Variants in ZDHHC21 observed in about 807,000 individuals in gnomAD.
ZDHHC21 encodes the protein palmitoyltransferase ZDHHC21.
ZDHHC21 carries 15 observed loss-of-function variants against 34.6 expected under a neutral mutation model. The ratio of observed to expected loss-of-function variants is 0.43; its 90% confidence interval spans 0.29 to 0.67. The LOEUF (loss-of-function observed/expected upper bound fraction) is 0.67. Ranked by LOEUF, ZDHHC21 falls within the 30% of genes least tolerant of loss-of-function variation. ZDHHC21 has a pLI of 0.14. For synonymous variants in ZDHHC21, 142 were observed against 101.8 expected (o/e 1.40, Z -2.38); for missense variants, 344 against 327.7 (o/e 1.05, Z -0.38).
intron 1 of ZDHHC21, among the ~76,000 whole-genome samples, chr9:14,692,928 C>A (rs986654828): frequency 6.6e-6 from 1 of 152,004 alleles, no homozygotes. Context: ...TAGCCAACAT[C>A]GTCTCGACTA....
intron 7 of ZDHHC21, among the ~76,000 whole-genome samples, chr9:14,653,449 A>G (rs1831615383): frequency 6.6e-6 from 1 of 152,060 alleles, no homozygotes; most frequent in Non-Finnish European, 1.5e-5. Context: ...TGCTGAAGTA[A>G]GAACATTATT....
chr9:14,600,842 C>T, the ZDHHC21 span, among the ~76,000 whole-genome samples: 114 of 152,174 alleles, frequency 7.5e-4, no homozygotes, highest in Middle Eastern at 6.8e-3. Context: ...TCAGAAACAA[C>T]GCCACACATC....
chr9:14,619,783 ATAGATT>A (rs1246611143), intron 8 of ZDHHC21, 101 bp from the exon 9 acceptor site: 4 of 678,458 alleles, frequency 5.9e-6, no homozygotes, highest in South Asian at 2.6e-5. Flanking sequence ...AAAATATTCT[ATAGATT>A]TAAACAGTTT....
the ZDHHC21 span, among the ~76,000 whole-genome samples, chr9:14,597,257 T>C: frequency 6.6e-6 from 1 of 151,966 alleles, no homozygotes; most frequent in Non-Finnish European, 1.5e-5. Context: ...CCTCTCTATC[T>C]CCACGTCCCT....
the ZDHHC21 span, among the ~76,000 whole-genome samples, chr9:14,598,678 A>G: frequency 6.6e-6 from 1 of 152,208 alleles, no homozygotes; most frequent in South Asian, 2.1e-4. Flanking sequence ...AATATAAGAG[A>G]ACACAATACA....
the ZDHHC21 span, among the ~76,000 whole-genome samples, chr9:14,599,238 T>A: frequency 1.3e-5 from 2 of 152,160 alleles, no homozygotes; most frequent in South Asian, 2.1e-4. Flanking sequence ...CATTTCCAAC[T>A]GAGGTACCCG....
chr9:14,644,819 T>TAC (rs527554683), intron 7 of ZDHHC21, among the ~76,000 whole-genome samples: 9,827 of 142,652 alleles, frequency 0.069, 335 homozygotes, highest in South Asian at 0.1. Flanking sequence ...TACATATGTA[T>TAC]ACACACACAC....
In ZDHHC21 at chr9:14,664,478, C is replaced by T. The variant is rs954304444; in HGVS notation, c.254-2152G>A. On this transcript the variant is annotated intron_variant, in intron 5 of 9. Transcript: ENST00000380916. ...GGCTTGCTTAGGTAGACAAAGCAGC[C>T]GGGAAGCTCGAACTGGCTGGAGCCC... Among the ~76,000 whole-genome samples the T allele has an allele frequency of 1.1e-4, 17 of 151,874 alleles. No individual in the cohort carries two copies. The East Asian group carries it at 2.7e-3, about 24-fold the overall frequency.
intron 8 of ZDHHC21, among the ~76,000 whole-genome samples, chr9:14,624,173 G>C (rs780077694): frequency 2.0e-5 from 3 of 151,764 alleles, no homozygotes; most frequent in Admixed American, 6.6e-5. Context: ...CGTTGTATCG[G>C]GTATTATAAA....
intron 3 of ZDHHC21, chr9:14,677,529 A>AG (rs1836640169): frequency 1.3e-5 from 2 of 152,034 alleles, no homozygotes; most frequent in South Asian, 4.1e-4. Context: ...CTCGGTCTTA[A>AG]GGACAGCATT....
intron 5 of ZDHHC21, among the ~76,000 whole-genome samples, chr9:14,665,427 G>A (rs930019300): frequency 2.0e-5 from 3 of 146,626 alleles, no homozygotes; most frequent in African/African-American, 5.0e-5. Flanking sequence ...ACACTCTGCA[G>A]GATATTATCC....
chr9:14,656,860 C>A (rs190462076), intron 7 of ZDHHC21, among the ~76,000 whole-genome samples: 45 of 151,932 alleles, frequency 3.0e-4, no homozygotes, highest in Non-Finnish European at 5.6e-4. Context: ...TAAGGAAAAT[C>A]TGGTTTGACT....
intron 5 of ZDHHC21, among the ~76,000 whole-genome samples, chr9:14,672,614 A>G (rs1449015294): frequency 6.6e-6 from 1 of 152,074 alleles, no homozygotes; most frequent in African/African-American, 2.4e-5. Context: ...TATGTGATAC[A>G]GAAGCCAAGA....
chr9:14,604,060 A>G, the ZDHHC21 span, among the ~76,000 whole-genome samples: 2 of 152,194 alleles, frequency 1.3e-5, no homozygotes, highest in Non-Finnish European at 2.9e-5. Flanking sequence ...CAAATGATGC[A>G]GGAAGCAGCA....
the ZDHHC21 span, among the ~76,000 whole-genome samples, chr9:14,597,860 C>A: frequency 6.6e-6 from 1 of 152,138 alleles, no homozygotes; most frequent in African/African-American, 2.4e-5. Context: ...CCTACCAACA[C>A]CCAGACACAT....
At chr9:14,666,622 A>G (rs1190448569) in intron 5 of ZDHHC21, among the ~76,000 whole-genome samples, 1 of 109,460 alleles carries the variant, frequency 9.1e-6, no homozygotes, top group Non-Finnish European at 2.1e-5. Flanking sequence ...CAGCAAATGT[A>G]AAAGAACAGA....
At chr9:14,625,176 A>T (rs933947693) in intron 8 of ZDHHC21, among the ~76,000 whole-genome samples, 2 of 152,060 alleles carry the variant, frequency 1.3e-5, no homozygotes, top group African/African-American at 4.8e-5. Flanking sequence ...CACTAAACTA[A>T]TTGGACATGA....
intron 8 of ZDHHC21, among the ~76,000 whole-genome samples, chr9:14,631,448 C>T (rs1203531154): frequency 1.3e-5 from 2 of 152,128 alleles, no homozygotes; most frequent in Non-Finnish European, 2.9e-5. Context: ...CCAAAAATTT[C>T]TCCATATCAA....
intron 8 of ZDHHC21, among the ~76,000 whole-genome samples, chr9:14,627,950 A>G (rs1659217210): frequency 6.6e-6 from 1 of 152,194 alleles, no homozygotes; most frequent in Admixed American, 6.5e-5. Context: ...AAAACAGGCT[A>G]AACAGTCTGA....
Sources: gnomAD v4.1 joint callset for allele counts (sites outside exome capture counted in the v4.1 genomes callset) on GRCh38, gnomAD v4.1.1 for gene constraint, MANE v1.5 for transcripts, NCBI Gene and HGNC (gene_info 2026-07-23, HGNC 2026-07-21) for gene names.